Variants in NLRP8 observed in about 807,000 individuals in gnomAD.
The protein encoded by NLRP8 is NLR family pyrin domain containing 8, also known as NACHT, LRR and PYD domains-containing protein 8.
In NLRP8, 86 loss-of-function variants were observed where a neutral mutation model predicts 88.7. The observed-to-expected ratio is 0.97, with a 90% CI of 0.81 to 1.16. The LOEUF (loss-of-function observed/expected upper bound fraction) is 1.16, where lower values mean the gene tolerates loss of function less well. Ranked by LOEUF, NLRP8 falls within the 50% of genes most tolerant of loss-of-function variation. NLRP8 has a pLI of 0.00. For missense variants in NLRP8, 1,342 were observed against 1,286.5 expected (o/e 1.04, Z -0.66); for synonymous variants, 504 against 494.6 (o/e 1.02, Z -0.25).
chr19:55,966,535 G>A (rs903182510), intron 5 of NLRP8, among the ~76,000 whole-genome samples, 155 bp downstream of exon 5: 4 of 152,168 alleles, frequency 2.6e-5, no homozygotes, highest in Non-Finnish European at 5.9e-5. Context: ...GGGCGCGGTG[G>A]CTCACGACTG....
chr19:55,986,473 TACAC>T (rs896816246), intron 9 of NLRP8, among the ~76,000 whole-genome samples: 14 of 72,530 alleles, frequency 1.9e-4, no homozygotes, highest in South Asian at 4.2e-4. Context: ...CTCTCTCACA[TACAC>T]ACACACACAC....
At chr19:55,961,836 T>C (rs1979625348) in intron 3 of NLRP8, among the ~76,000 whole-genome samples, 1 of 152,142 alleles carries the variant, frequency 6.6e-6, no homozygotes, top group Admixed American at 6.5e-5. Context: ...ACTTCCTTTT[T>C]TCCAAGTCAT....
At position 55,966,167 on chromosome 19, in the gene NLRP8, A is replaced by C. The variant is rs760215737; in HGVS notation, c.2214-46A>C. Reference sequence around the variant, plus strand: ...GTTTGTGAGGCCACAGAATTCTACGACTGTGGACGGGACCCTATTCCAAGG... The same window carrying C: ...GTTTGTGAGGCCACAGAATTCTACGCCTGTGGACGGGACCCTATTCCAAGG... On this transcript the variant is annotated intron_variant, in intron 4 of 9. Coordinates refer to ENST00000291971, the MANE Select transcript of NLRP8 (RefSeq NM_176811.2). The C allele has an allele frequency of 4.4e-6, 7 of 1,582,728 alleles. No individual in the cohort carries two copies. In the East Asian group the frequency reaches 1.6e-4, roughly 35 times the overall value.
At position 55,962,298 on chromosome 19, in the gene NLRP8, C is replaced by T. The variant is rs1027100079; in HGVS notation, c.2213+61C>T. The T allele has an allele frequency of 2.4e-5, 36 of 1,517,864 alleles. No individual in the cohort carries two copies. The Middle Eastern group carries it at 2.7e-3, about 113-fold the overall frequency. 94.0% of individuals were successfully genotyped at this position (1,517,864 alleles called of 1,614,324 possible). ...ATGGAGATGGTCTGTTTCCCATCCACTTTCTTCATTCCCTCTCCACTCACA... is the reference window on the plus strand; with the variant it reads ...ATGGAGATGGTCTGTTTCCCATCCATTTTCTTCATTCCCTCTCCACTCACA... On this transcript the variant is annotated intron_variant, in intron 4 of 9. Transcript: ENST00000291971.
intron 3 of NLRP8, among the ~76,000 whole-genome samples, chr19:55,959,858 G>A (rs950116944): frequency 2.6e-5 from 4 of 152,068 alleles, no homozygotes; most frequent in African/African-American, 9.7e-5. Flanking sequence ...AATCTATAAG[G>A]AAGGTCTGAG....
rs1382011728 is a variant in NLRP8, at chr19:55,955,604, G to T, written c.1546G>T (p.Ala516Ser). ...CGTGACTTTTCAGGAATTTTTTGCG[G>T]CCTTGTTTTATGTTCTCTGTTTCCC... is the stretch of plus-strand genomic sequence containing the variant. The change falls in exon 3 of 10, where the codon GCC becomes TCC. Residue 516 changes from alanine to serine, a missense_variant. Transcript: ENST00000291971. The T allele has an allele frequency of 1.2e-6, 2 of 1,614,118 alleles. No homozygotes were observed. Among genetic ancestry groups the T allele is most frequent in the Non-Finnish European group, 1.7e-6 (2 of 1,180,020 alleles).
At chr19:55,972,369 C>A (rs1327593262) in intron 6 of NLRP8, among the ~76,000 whole-genome samples, 1 of 151,904 alleles carries the variant, frequency 6.6e-6, no homozygotes, top group Non-Finnish European at 1.5e-5. Context: ...CCTGCCTCGA[C>A]CTCCCAAAGT....
rs753082492 is a variant in NLRP8, at chr19:55,954,700, C to T, written c.642C>T (p.Ile214=). 11 of 1,614,008 alleles carry T rather than the reference C, an allele frequency of 6.8e-6. No homozygotes were observed. The highest frequency in any genetic ancestry group is 8.5e-6 in the Non-Finnish European group (10 of 1,180,030). ...TGGCCATACAGGGAGCTCCTGGGAT[C>T]GGAAAAACAATCCTGGCCAAAAAGG... The change falls in exon 3 of 10, where the codon ATC becomes ATT. Residue 214 remains isoleucine, a synonymous_variant. Transcript: ENST00000291971.
intron 8 of NLRP8, among the ~76,000 whole-genome samples, chr19:55,977,127 C>T (rs914607332): frequency 6.9e-6 from 1 of 144,164 alleles, no homozygotes; most frequent in African/African-American, 2.5e-5. Context: ...TATAAAGATA[C>T]ATAAGATACA....
chr19:55,978,933 T>A (rs930240306), intron 8 of NLRP8, among the ~76,000 whole-genome samples: 23 of 148,414 alleles, frequency 1.5e-4, no homozygotes, highest in East Asian at 2.2e-4. Context: ...CCAAAAAAAA[T>A]TTTTTTTTAA....
At chr19:55,959,463 C>T (rs867695597) in intron 3 of NLRP8, among the ~76,000 whole-genome samples, 3 of 152,182 alleles carry the variant, frequency 2.0e-5, no homozygotes, top group South Asian at 4.2e-4. Context: ...CCACCCGCCT[C>T]GGCCTCCCAA....
intron 8 of NLRP8, among the ~76,000 whole-genome samples, chr19:55,978,796 C>T (rs370138912): frequency 6.6e-6 from 1 of 152,212 alleles, no homozygotes; most frequent in South Asian, 2.1e-4. Context: ...GTGGCATGTG[C>T]CTACAGTCCC....
chr19:55,950,279 C>T (rs1300651020), intron 1 of NLRP8, among the ~76,000 whole-genome samples: 5 of 149,784 alleles, frequency 3.3e-5, no homozygotes, highest in South Asian at 2.1e-4. Flanking sequence ...AATAGCCGGG[C>T]GTGGTGACGG....
chr19:55,986,280 T>A (rs306460), intron 9 of NLRP8, among the ~76,000 whole-genome samples: 137,958 of 151,552 alleles, frequency 0.91, 62,868 homozygotes, highest in African/African-American at 0.96. Flanking sequence ...CAACACACAC[T>A]CACACTCACA....
chr19:55,986,322 A>G (rs1980806266), intron 9 of NLRP8, among the ~76,000 whole-genome samples: 1 of 145,848 alleles, frequency 6.9e-6, no homozygotes, highest in Non-Finnish European at 1.5e-5. Context: ...TCTCTCACAC[A>G]CACACACTCT....
At chr19:55,959,745 CA>C (rs1173156478) in intron 3 of NLRP8, among the ~76,000 whole-genome samples, 1 of 152,154 alleles carries the variant, frequency 6.6e-6, no homozygotes, top group Non-Finnish European at 1.5e-5. Context: ...ATCACCAGAC[CA>C]ATTAAAAATT....
Position 55,948,099 on chromosome 19 carries a change from C to T in NLRP8, c.197C>T (p.Thr66Ile), listed in dbSNP as rs1271275933. The T allele has an allele frequency of 6.2e-7, 1 of 1,614,170 alleles. No homozygotes were observed. Among genetic ancestry groups the T allele is most frequent in the South Asian group, 1.1e-5 (1 of 91,084 alleles). The stretch of plus-strand genomic sequence containing the variant: ...CAGCTCTTACTGACTGAGCTCAGTA[C>T]TGGCACCATGCCCATCACCTGGGAC... The change falls in exon 1 of 10, where the codon ACT (threonine) becomes ATT (isoleucine). Residue 66 changes from threonine to isoleucine, a missense_variant. By Grantham distance (89) the Thr-to-Ile change is moderately conservative (BLOSUM62 -1). Coordinates refer to ENST00000291971, the MANE Select transcript of NLRP8 (RefSeq NM_176811.2).
At chr19:55,974,831 C>A (rs306484) in intron 7 of NLRP8, among the ~76,000 whole-genome samples, 54,975 of 151,712 alleles carry the variant, frequency 0.36, 10,577 homozygotes, top group Non-Finnish European at 0.43. Flanking sequence ...ACTTTCCCCC[C>A]ACCTCCCTCT....
chr19:55,954,358 A>G (rs1979232060), intron 2 of NLRP8, 143 bp from the exon 3 acceptor site: 1 of 802,444 alleles, frequency 1.2e-6, no homozygotes, highest in Non-Finnish European at 2.0e-6. Flanking sequence ...TTGACACAGC[A>G]GTATCAGGAA....
Sources: gnomAD v4.1 joint callset for allele counts (sites outside exome capture counted in the v4.1 genomes callset) on GRCh38, gnomAD v4.1.1 for gene constraint, MANE v1.5 for transcripts, NCBI Gene and HGNC (gene_info 2026-07-23, HGNC 2026-07-21) for gene names.